The following P4HA3 variants were observed in gnomAD, a reference collection of about 807,000 sequenced individuals.
P4HA3 encodes the protein prolyl 4-hydroxylase subunit alpha-3.
A neutral mutation model predicts 66.7 loss-of-function variants in P4HA3; 60 were observed. That is an observed-to-expected ratio of 0.90 (90% CI 0.73 to 1.12). The LOEUF (loss-of-function observed/expected upper bound fraction) is 1.12. P4HA3 is among the 50% of genes most tolerant of loss of function. The pLI, the probability that P4HA3 is intolerant of heterozygous loss-of-function variation, is 0.00. For synonymous variants in P4HA3, 263 were observed against 274.6 expected (o/e 0.96, Z 0.42); for missense variants, 683 against 685.8 (o/e 1.00, Z 0.05).
Position 74,286,305 on chromosome 11 carries a change from C to T in P4HA3, c.856G>A (p.Val286Ile), listed in dbSNP as rs1860799719. 1 of 1,611,076 alleles carries T rather than the reference C, an allele frequency of 6.2e-7. No individual in the cohort carries two copies. Among genetic ancestry groups the T allele is most frequent in the Non-Finnish European group, 8.5e-7 (1 of 1,178,818 alleles). ...TGGGGTATATTGGGCCTCTGGATGA[C>T]AGCCTCAGCTACCACGTGGTTGGGG... is the stretch of plus-strand genomic sequence containing the variant. ...ESPNHVVAEA[V>I]IQRPNIPHLQ... Residue 286 changes from valine (V) to isoleucine (I), a missense_variant, in exon 6 of 13, where the codon GTC becomes ATC. Coordinates refer to ENST00000331597, the MANE Select transcript of P4HA3 (RefSeq NM_182904.5).
chr11:74,299,243 A>G (rs1378581426), intron 3 of P4HA3, among the ~76,000 whole-genome samples: 3 of 152,244 alleles, frequency 2.0e-5, no homozygotes, highest in African/African-American at 4.8e-5. Context: ...ACAGTTAACT[A>G]GAATACCAGA....
chr11:74,274,005 T>C (rs1860300416), intron 9 of P4HA3, among the ~76,000 whole-genome samples: 1 of 152,114 alleles, frequency 6.6e-6, no homozygotes, highest in African/African-American at 2.4e-5. Flanking sequence ...ACATACTCTT[T>C]TTTTTTTGTC....
intron 7 of P4HA3, among the ~76,000 whole-genome samples, chr11:74,281,030 A>T (rs1360775430): frequency 6.6e-6 from 1 of 152,132 alleles, no homozygotes; most frequent in Admixed American, 6.5e-5. Context: ...CAAATTTACA[A>T]GAAAAAAACA....
chr11:74,271,102 G>A lies in P4HA3; in HGVS notation c.1399-1382C>T, dbSNP rs574095064. On this transcript the variant is annotated intron_variant, in intron 10 of 12. Coordinates refer to ENST00000331597, the MANE Select transcript of P4HA3 (RefSeq NM_182904.5). ...TGTAATCTTATGGCAGTCAGATCCCGGTACATTTACTTGTGTTACAGAGCA... is the reference window on the plus strand; with the variant it reads ...TGTAATCTTATGGCAGTCAGATCCCAGTACATTTACTTGTGTTACAGAGCA... Among the ~76,000 whole-genome samples the A allele has an allele frequency of 4.6e-5, 7 of 152,194 alleles. 1 individual carries two copies. The highest frequency in any genetic ancestry group is 1.2e-4 in the African/African-American group (5 of 41,534).
chr11:74,273,520 G>C, intron 10 of P4HA3, 25 bp downstream of exon 10: 2 of 1,478,562 alleles, frequency 1.4e-6, no homozygotes, highest in Non-Finnish European at 1.8e-6. Flanking sequence ...CAGTCATGAA[G>C]TAAGAAGCCC....
chr11:74,276,859 A>G, intron 9 of P4HA3, 126 bp downstream of exon 9: 2 of 1,107,456 alleles, frequency 1.8e-6, no homozygotes, highest in Non-Finnish European at 2.5e-6. Flanking sequence ...ATATTTCTGG[A>G]AAAAGAACCT....
At chr11:74,310,756 C>A (rs1160183604) in intron 1 of P4HA3, among the ~76,000 whole-genome samples, 1 of 152,190 alleles carries the variant, frequency 6.6e-6, no homozygotes, top group African/African-American at 2.4e-5. Flanking sequence ...CATTCACATG[C>A]AGAGTATGAT....
chr11:74,252,683 C>T (rs924253493), intron 15 of P4HA3: 2 of 361,452 alleles, frequency 5.5e-6, no homozygotes, highest in South Asian at 2.1e-5. Context: ...AACAGTAGTA[C>T]CCCTCCCACA....
intron 15 of P4HA3, among the ~76,000 whole-genome samples, chr11:74,256,448 A>G (rs768083316): frequency 2.0e-5 from 3 of 152,206 alleles, no homozygotes; most frequent in Non-Finnish European, 2.9e-5. Context: ...GACATTTGAA[A>G]TGGCTTGCCC....
chr11:74,251,732 G>C, intron 15 of P4HA3: 1 of 1,613,900 alleles, frequency 6.2e-7, no homozygotes, highest in Non-Finnish European at 8.5e-7. Context: ...CGGGTACAAG[G>C]GTTTAAGAAC....
At chr11:74,307,293 T>C (rs1300706306) in intron 1 of P4HA3, among the ~76,000 whole-genome samples, 1 of 152,218 alleles carries the variant, frequency 6.6e-6, no homozygotes, top group African/African-American at 2.4e-5. Context: ...CCTCATTAGC[T>C]TGAGGACTAA....
chr11:74,285,795 C>G lies in P4HA3; in HGVS notation c.1110+14G>C. The G allele has an allele frequency of 6.2e-7, 1 of 1,611,458 alleles. No homozygotes were observed. Among genetic ancestry groups the G allele is most frequent in the South Asian group, 1.1e-5 (1 of 90,868 alleles). ...ATGAAAGAGAAATTCTTGGCGGGTT[C>G]TCAGGACACTCACCCATGGTTCTGC... On this transcript the variant is annotated intron_variant, in intron 7 of 12. Coordinates refer to ENST00000331597, the MANE Select transcript of P4HA3 (RefSeq NM_182904.5).
chr11:74,303,375 A>G (rs1469319020), intron 2 of P4HA3, among the ~76,000 whole-genome samples: 1 of 149,288 alleles, frequency 6.7e-6, no homozygotes, highest in Non-Finnish European at 1.5e-5. Flanking sequence ...GCTCACTGCA[A>G]CCTCCACCTT....
chr11:74,303,520 A>G (rs1278041689), intron 2 of P4HA3, among the ~76,000 whole-genome samples: 1 of 151,712 alleles, frequency 6.6e-6, no homozygotes, highest in Non-Finnish European at 1.5e-5. Context: ...AGCTCAAGCA[A>G]TCTTAGCCTC....
chr11:74,283,366 C>T (rs762520153), intron 7 of P4HA3, among the ~76,000 whole-genome samples: 64 of 152,178 alleles, frequency 4.2e-4, no homozygotes, highest in Non-Finnish European at 6.8e-4. Flanking sequence ...AACCTGTTTG[C>T]TCCAATTCAC....
rs548696704 is a variant in P4HA3, at chr11:74,271,420, G to A, written c.1399-1700C>T. On this transcript the variant is annotated intron_variant, in intron 10 of 12. Coordinates refer to ENST00000331597, the MANE Select transcript of P4HA3 (RefSeq NM_182904.5). ...TAGCCAACACATTAAAAAGAAAATCGGATTCTGCATGCAATGAAGCTCATG... is the reference window on the plus strand; with the variant it reads ...TAGCCAACACATTAAAAAGAAAATCAGATTCTGCATGCAATGAAGCTCATG... 7.2e-5 allele frequency among the ~76,000 whole-genome samples: 11 copies of A among 152,246 alleles called. No homozygotes were observed. In the East Asian group the frequency reaches 1.2e-3, roughly 16 times the overall value.
chr11:74,292,172 G>T (rs1318259533), intron 4 of P4HA3, among the ~76,000 whole-genome samples: 1 of 152,258 alleles, frequency 6.6e-6, no homozygotes, highest in Admixed American at 6.5e-5. Flanking sequence ...GTTTAGTCTT[G>T]GGAGGATGTA....
intron 14 of P4HA3, among the ~76,000 whole-genome samples, chr11:74,260,468 A>T (rs150913100): frequency 3.5e-4 from 53 of 152,324 alleles, no homozygotes; most frequent in African/African-American, 1.2e-3. Flanking sequence ...GTTTCTCACA[A>T]TTGGGAGGGG....
In P4HA3 at chr11:74,251,743, C is replaced by A. The variant is rs371290758; in HGVS notation, c.*1319-3742G>T. ...AAGGCGGGTACAAGGGTTTAAGAAC[C>A]CAGCAGTGCTGGCCGAATCTGACAA... is the stretch of plus-strand genomic sequence containing the variant. On this transcript the variant is annotated intron_variant and NMD_transcript_variant, in intron 15 of 15. Transcript: ENST00000524388. 1.1e-5 allele frequency: 18 copies of A among 1,612,494 alleles called. No homozygotes were observed. The African/African-American group carries it at 2.3e-4, about 20-fold the overall frequency.
Sources: allele counts gnomAD v4.1 joint callset (sites outside exome capture counted in the v4.1 genomes callset), GRCh38; gene constraint gnomAD v4.1.1; transcripts MANE v1.5; gene names NCBI Gene and HGNC (gene_info 2026-07-23, HGNC 2026-07-21).